Variants in SFMBT2 observed in about 807,000 individuals in gnomAD.
SFMBT2 encodes the protein scm-like with four MBT domains protein 2.
A neutral mutation model predicts 110.1 loss-of-function variants in SFMBT2; 38 were observed. That is an observed-to-expected ratio of 0.35 (90% confidence interval 0.27 to 0.45). SFMBT2 has a LOEUF of 0.45. Ranked by LOEUF, SFMBT2 falls within the 20% of genes least tolerant of loss-of-function variation. The pLI, the probability that SFMBT2 is intolerant of heterozygous loss-of-function variation, is 1.00. For synonymous variants in SFMBT2, 425 were observed against 425.4 expected (o/e 1.00, Z 0.01); for missense variants, 1,011 against 1,094.9 (o/e 0.92, Z 1.08).
At chr10:7,187,130 G>A (rs1245030449) in intron 16 of SFMBT2, among the ~76,000 whole-genome samples, 1 of 152,204 alleles carries the variant, frequency 6.6e-6, no homozygotes, top group Admixed American at 6.5e-5. Flanking sequence ...ACTGTGGAGC[G>A]GGAGCGAGTT....
rs932656916 is a variant in SFMBT2, at chr10:7,162,058, A to G, written c.*1712T>C. 2 of 152,204 alleles carry G rather than the reference A, an allele frequency of 1.3e-5. No individual in the cohort carries two copies. Among genetic ancestry groups the G allele is most frequent in the Non-Finnish European group, 2.9e-5 (2 of 68,056 alleles). 9.4% of individuals were successfully genotyped at this position (152,204 alleles called of 1,614,324 possible). A position where few individuals can be genotyped will look rare whatever the true frequency, so the allele number is the denominator to read the frequency against. On this transcript the variant is annotated 3_prime_UTR_variant, in exon 21 of 21. Coordinates refer to ENST00000397167, the MANE Select transcript of SFMBT2 (RefSeq NM_001387889.1). ...CCACCACAGCGGAACACTGTAGTCC[A>G]CAGGGTCTGAGTGGAGATATGGAAT...
chr10:7,171,135 G>A lies in SFMBT2; in HGVS notation c.2416-79C>T. ...CCTCTCCAGCACTCTCCAGGCCTCG[G>A]CCGTTCCTGGCCGGAAGCCACTGCC... On this transcript the variant is annotated intron_variant, in intron 19 of 20. Coordinates refer to ENST00000397167, the MANE Select transcript of SFMBT2 (RefSeq NM_001387889.1). This position sits in a 1 kb window ranked among gnomAD's most constrained non-coding sequence, Gnocchi z 4.9. 1 of 1,596,302 alleles carries A rather than the reference G, an allele frequency of 6.3e-7. No individual in the cohort carries two copies.
intron 1 of SFMBT2, among the ~76,000 whole-genome samples, chr10:7,394,510 A>T (rs1466005139): frequency 9.9e-6 from 1 of 100,540 alleles, no homozygotes; most frequent in African/African-American, 3.7e-5. Context: ...CATGACCCCC[A>T]CCCCCCAACA....
rs142745044 is a variant in SFMBT2, at chr10:7,375,041, T to G, written c.101-4666A>C. On this transcript the variant is annotated intron_variant, in intron 2 of 20. Transcript: ENST00000397167. The stretch of plus-strand genomic sequence containing the variant: ...AGGAAATTCTGACAATCTCCCTCCA[T>G]GTAAATGAACCAGTGGGAAGTATTT... 3.8e-3 allele frequency among the ~76,000 whole-genome samples: 574 copies of G among 152,354 alleles called. 5 individuals are homozygous for G. Among genetic ancestry groups the G allele is most frequent in the African/African-American group, 0.01 (436 of 41,586 alleles).
Position 7,212,609 on chromosome 10 carries a change from C to T in SFMBT2, c.1331-6681G>A, listed in dbSNP as rs558300426. On this transcript the variant is annotated intron_variant, in intron 11 of 20. Transcript: ENST00000397167. ...CTAAGCAATGACTACTACGTGCTAACATGACTCTTACACTCTATCGATGTT... is the reference window on the plus strand; with the variant it reads ...CTAAGCAATGACTACTACGTGCTAATATGACTCTTACACTCTATCGATGTT... Among the ~76,000 whole-genome samples, 5 of 152,358 alleles carry T rather than the reference C, an allele frequency of 3.3e-5. No individual in the cohort carries two copies. In the South Asian group the frequency reaches 1.0e-3, roughly 32 times the overall value.
intron 4 of SFMBT2, among the ~76,000 whole-genome samples, 159 bp from the exon 5 acceptor site, chr10:7,286,113 T>G (rs1488868492): frequency 1.3e-5 from 2 of 152,222 alleles, no homozygotes; most frequent in Admixed American, 1.3e-4. Context: ...AAGTAAATAC[T>G]AAAACTGAGA....
At chr10:7,204,264 G>A (rs770220743) in intron 12 of SFMBT2, 3 of 808,682 alleles carry the variant, frequency 3.7e-6, no homozygotes, top group Non-Finnish European at 4.5e-6. Context: ...CTAACTAGAG[G>A]AGCCCTGAAA....
chr10:7,246,235 TA>T (rs1840604234), intron 8 of SFMBT2: 1 of 882,676 alleles, frequency 1.1e-6, no homozygotes, highest in African/African-American at 1.8e-5. Context: ...TAGAAATCAG[TA>T]AAAATACTTT....
At chr10:7,175,040 G>A (rs917809073) in intron 17 of SFMBT2, among the ~76,000 whole-genome samples, 1 of 152,258 alleles carries the variant, frequency 6.6e-6, no homozygotes, top group Non-Finnish European at 1.5e-5. Context: ...AGTACATTCA[G>A]ATTCCTGGTT....
intron 7 of SFMBT2, among the ~76,000 whole-genome samples, chr10:7,263,638 A>G (rs1016372423): frequency 6.6e-6 from 1 of 152,234 alleles, no homozygotes; most frequent in Non-Finnish European, 1.5e-5. Context: ...GACTTGGGGA[A>G]AAAATTAAGC....
At chr10:7,383,931 C>A (rs889370222) in intron 1 of SFMBT2, among the ~76,000 whole-genome samples, 1 of 152,038 alleles carries the variant, frequency 6.6e-6, no homozygotes, top group Non-Finnish European at 1.5e-5. Flanking sequence ...CACAGAAAGG[C>A]TGAGTGCGGT....
rs1332946864 is a variant in SFMBT2, at chr10:7,293,379, G to GT, written c.437-7426dup. On this transcript the variant is annotated intron_variant, in intron 4 of 20. Transcript: ENST00000397167. This position sits in a 1 kb window ranked among gnomAD's most constrained non-coding sequence, Gnocchi z 4.6. ...CTCCCAAAGTGCTGGGATTACAAGT[G>GT]TGAGCCACTGTGCCTGGTCAAAGTA... Among the ~76,000 whole-genome samples, 1 of 152,088 alleles carries GT rather than the reference G, an allele frequency of 6.6e-6. No homozygotes were observed. Among genetic ancestry groups the GT allele is most frequent in the African/African-American group, 2.4e-5 (1 of 41,368 alleles).
At chr10:7,213,778 C>T (rs1006559046) in intron 11 of SFMBT2, among the ~76,000 whole-genome samples, 18 of 146,928 alleles carry the variant, frequency 1.2e-4, no homozygotes, top group Non-Finnish European at 2.4e-4. Flanking sequence ...CACTCAGATC[C>T]GTGTGCGAGG....
intron 16 of SFMBT2, among the ~76,000 whole-genome samples, chr10:7,182,198 C>T (rs1468010071): frequency 2.0e-5 from 3 of 152,092 alleles, no homozygotes. Context: ...CTACCATGCC[C>T]GGCTAATTTT....
At chr10:7,406,975 A>G (rs12762969) in intron 1 of SFMBT2, among the ~76,000 whole-genome samples, 5,902 of 149,714 alleles carry the variant, frequency 0.039, 159 homozygotes, top group Non-Finnish European at 0.058. Context: ...GTGGGGACCT[A>G]GAGGGTTGGC....
intron 9 of SFMBT2, 58 bp from the exon 10 acceptor site, chr10:7,227,995 G>A: frequency 1.5e-6 from 2 of 1,329,462 alleles, no homozygotes; most frequent in Non-Finnish European, 1.0e-6. Context: ...CCAGACAGAT[G>A]AGCAAAATCA....
intron 9 of SFMBT2, among the ~76,000 whole-genome samples, chr10:7,242,882 T>A (rs761939538): frequency 3.9e-5 from 6 of 152,214 alleles, no homozygotes; most frequent in African/African-American, 1.4e-4. Flanking sequence ...CCAATAAGTT[T>A]ACTTTTCTCA....
In SFMBT2 at chr10:7,293,152, G is replaced by A. The variant is rs1053594624; in HGVS notation, c.437-7198C>T. ...CAACCTCCACCTCCTGGGTTCAAGC[G>A]ATTCTCCTACCTCAGCCTCCCAAGC... is the stretch of plus-strand genomic sequence containing the variant. On this transcript the variant is annotated intron_variant, in intron 4 of 20. Coordinates refer to ENST00000397167, the MANE Select transcript of SFMBT2 (RefSeq NM_001387889.1). This position sits in a 1 kb window ranked among gnomAD's most constrained non-coding sequence, Gnocchi z 4.6. Among the ~76,000 whole-genome samples, 11 of 152,014 alleles carry A rather than the reference G, an allele frequency of 7.2e-5. No homozygotes were observed. The highest frequency in any genetic ancestry group is 1.0e-4 in the Non-Finnish European group (7 of 67,982).
At chr10:7,340,534 T>TA (rs1843861550) in intron 4 of SFMBT2, among the ~76,000 whole-genome samples, 1 of 151,392 alleles carries the variant, frequency 6.6e-6, no homozygotes, top group Admixed American at 6.6e-5. Context: ...CTCTCAATGT[T>TA]ACAACCAACA....
Sources: gnomAD v4.1 joint callset for allele counts (sites outside exome capture counted in the v4.1 genomes callset) on GRCh38, gnomAD v4.1.1 for gene constraint, Gnocchi (gnomAD v3.1) non-coding constraint, MANE v1.5 for transcripts, NCBI Gene and HGNC (gene_info 2026-07-23, HGNC 2026-07-21) for gene names.